Variants in FAM110B observed in about 807,000 individuals in gnomAD.
FAM110B encodes family with sequence similarity 110 member B.
A neutral mutation model predicts 20.4 loss-of-function variants in FAM110B; 6 were observed. The ratio of observed to expected loss-of-function variants is 0.29; its 90% CI spans 0.16 to 0.58. The LOEUF is 0.58. FAM110B is among the 20% of genes least tolerant of loss of function. The probability of loss-of-function intolerance (pLI) is 0.90; values close to 1 mark genes in which losing one functional copy is unlikely to be tolerated. For synonymous variants in FAM110B, 226 were observed against 214.1 expected, an observed-to-expected ratio of 1.06 and a Z score of -0.49; for missense variants, 434 against 498.2, an observed-to-expected ratio of 0.87 and a Z score of 1.23.
chr8:58,068,161 G>A (rs990486650), intron 2 of FAM110B, among the ~76,000 whole-genome samples: 1 of 152,204 alleles, frequency 6.6e-6, no homozygotes, highest in Admixed American at 6.5e-5. Context: ...TATCCTGGCA[G>A]CCTTCAGGGA....
intron 2 of FAM110B, among the ~76,000 whole-genome samples, chr8:58,050,786 C>T (rs911218187): frequency 1.3e-5 from 2 of 152,124 alleles, no homozygotes; most frequent in Admixed American, 6.6e-5. Flanking sequence ...CTGCCAATCA[C>T]GGGAGTCAAA....
intron 2 of FAM110B, among the ~76,000 whole-genome samples, chr8:58,069,825 C>G (rs896192557): frequency 3.9e-5 from 6 of 152,150 alleles, no homozygotes; most frequent in African/African-American, 1.2e-4. Context: ...ATTCTTAATG[C>G]TGGAATCTGA....
intron 2 of FAM110B, among the ~76,000 whole-genome samples, chr8:58,071,054 A>G (rs1805885920): frequency 6.6e-6 from 1 of 152,152 alleles, no homozygotes; most frequent in African/African-American, 2.4e-5. Flanking sequence ...AGTTGAAACG[A>G]AGTCGCAGGA....
At chr8:58,136,270 A>G (rs569361400) in intron 3 of FAM110B, among the ~76,000 whole-genome samples, 1 of 152,230 alleles carries the variant, frequency 6.6e-6, no homozygotes, top group East Asian at 1.9e-4. Flanking sequence ...TCGGCCTCCC[A>G]AAGTGCTGGG....
At chr8:58,105,059 C>A (rs1806875163) in intron 3 of FAM110B, among the ~76,000 whole-genome samples, 1 of 151,246 alleles carries the variant, frequency 6.6e-6, no homozygotes, top group South Asian at 2.1e-4. Flanking sequence ...AGCTTTGCAG[C>A]CTGAGGGCCA....
At chr8:58,083,479 G>GCTCAAATTTT (rs1806253306) in intron 3 of FAM110B, among the ~76,000 whole-genome samples, 2 of 152,186 alleles carry the variant, frequency 1.3e-5, no homozygotes, top group Non-Finnish European at 2.9e-5. Flanking sequence ...AGATTACATA[G>GCTCAAATTTT]TTTATTTATT....
intron 3 of FAM110B, among the ~76,000 whole-genome samples, chr8:58,107,349 G>A (rs1378861599): frequency 1.3e-5 from 2 of 152,016 alleles, no homozygotes. Context: ...TGTTGTTGTT[G>A]TTGTCCTTTT....
chr8:58,047,504 C>T (rs1805343307), intron 2 of FAM110B, among the ~76,000 whole-genome samples: 1 of 151,858 alleles, frequency 6.6e-6, no homozygotes, highest in Non-Finnish European at 1.5e-5. Flanking sequence ...ACCTCAATGG[C>T]ATCCCTGAAC....
At chr8:58,092,817 G>A (rs1218117595) in intron 3 of FAM110B, among the ~76,000 whole-genome samples, 3 of 152,114 alleles carry the variant, frequency 2.0e-5, no homozygotes, top group East Asian at 1.9e-4. Context: ...TTAAGGAATC[G>A]CCACACTGTC....
chr8:58,022,078 T>C (rs916537785), intron 1 of FAM110B, among the ~76,000 whole-genome samples: 1 of 152,180 alleles, frequency 6.6e-6, no homozygotes, highest in Non-Finnish European at 1.5e-5. Context: ...TGAATCCTGC[T>C]AGTAGTGTAG....
chr8:58,006,923 A>ATTTTTTTTTTTTTTT (rs1554568496), intron 1 of FAM110B, among the ~76,000 whole-genome samples: 8 of 126,476 alleles, frequency 6.3e-5, no homozygotes, highest in Non-Finnish European at 9.9e-5. Context: ...ATATATATAT[A>ATTTTTTTTTTTTTTT]TTTTTCCAAA....
intron 2 of FAM110B, among the ~76,000 whole-genome samples, chr8:58,055,226 T>A (rs1239099103): frequency 3.3e-5 from 5 of 152,174 alleles, no homozygotes; most frequent in African/African-American, 1.2e-4. Context: ...GGTTTCACTG[T>A]GTACACCCTG....
chr8:58,065,388 C>T (rs1221936828), intron 2 of FAM110B, among the ~76,000 whole-genome samples: 1 of 151,954 alleles, frequency 6.6e-6, no homozygotes, highest in Non-Finnish European at 1.5e-5. Flanking sequence ...AGAAAGAATC[C>T]CAGGTACTTT....
At position 58,147,649 on chromosome 8, in the gene FAM110B, T is replaced by C; in HGVS notation, c.*306T>C. On this transcript the variant is annotated 3_prime_UTR_variant, in exon 4 of 4. Coordinates refer to ENST00000519262, the MANE Select transcript of FAM110B (RefSeq NM_001377989.1). ...TTCTTCGATATTTATGTGGTTCTTG[T>C]GTTTTTATATCCCGCGCTATTGTGT... 2 of 343,378 alleles carry C rather than the reference T, an allele frequency of 5.8e-6. No homozygotes were observed. The highest frequency in any genetic ancestry group is 1.1e-5 in the Non-Finnish European group (2 of 177,558). The allele number at this position is 343,378 out of a possible 1,614,324, so 21.3% of individuals were successfully genotyped here.
intron 3 of FAM110B, among the ~76,000 whole-genome samples, chr8:58,114,814 G>A (rs2150622254): frequency 6.6e-6 from 1 of 152,294 alleles, no homozygotes; most frequent in Non-Finnish European, 1.5e-5. Context: ...AGGAAACTGA[G>A]ACCAAGAAAA....
chr8:58,061,112 G>A (rs1474929715), intron 2 of FAM110B, among the ~76,000 whole-genome samples: 1 of 152,150 alleles, frequency 6.6e-6, no homozygotes, highest in Non-Finnish European at 1.5e-5. Flanking sequence ...TATATCACAT[G>A]TTCAAATTGT....
At chr8:58,089,629 A>G (rs981810004) in intron 3 of FAM110B, among the ~76,000 whole-genome samples, 7 of 152,228 alleles carry the variant, frequency 4.6e-5, no homozygotes, top group Non-Finnish European at 1.0e-4. Context: ...TTGGGGGAAC[A>G]CTGTAAACAC....
chr8:58,027,739 C>G (rs577709595), intron 1 of FAM110B, among the ~76,000 whole-genome samples: 1 of 152,184 alleles, frequency 6.6e-6, no homozygotes, highest in Non-Finnish European at 1.5e-5. Context: ...GTATAATCCT[C>G]TTGAAATTGC....
intron 1 of FAM110B, among the ~76,000 whole-genome samples, chr8:58,012,295 G>T (rs1804553727): frequency 6.7e-6 from 1 of 149,980 alleles, no homozygotes; most frequent in African/African-American, 2.5e-5. Context: ...ACATATTTTT[G>T]GGAAAGAAGG....
Sources: allele counts gnomAD v4.1 joint callset (sites outside exome capture counted in the v4.1 genomes callset), GRCh38; gene constraint gnomAD v4.1.1; transcripts MANE v1.5; gene names NCBI Gene and HGNC (gene_info 2026-07-23, HGNC 2026-07-21).